The following RDH8 variants were observed in gnomAD, a reference collection of about 807,000 sequenced individuals.
RDH8 encodes the protein photoreceptor outer segment all-trans retinol dehydrogenase.
Under a neutral mutation model 22.3 loss-of-function variants are expected in RDH8, and 14 were observed. The observed-to-expected ratio is 0.63, with a 90% CI of 0.42 to 0.98. The LOEUF (loss-of-function observed/expected upper bound fraction) is 0.98. Among genes scored for constraint, RDH8 ranks in the 50% least tolerant of loss-of-function variants. RDH8 has a pLI of 0.00. For missense variants in RDH8, 389 were observed against 409.8 expected, an observed-to-expected ratio of 0.95 and a Z score of 0.44; for synonymous variants, 175 against 171.7, an observed-to-expected ratio of 1.02 and a Z score of -0.15.
At chr19:10,015,225 A>G (rs963531012) in intron 1 of RDH8, among the ~76,000 whole-genome samples, 6 of 151,778 alleles carry the variant, frequency 4.0e-5, no homozygotes, top group African/African-American at 1.5e-4. Flanking sequence ...GCCTAGGTGG[A>G]CAGATCACCT....
At position 10,018,823 on chromosome 19, in the gene RDH8, G is replaced by T. The variant is rs375820493; in HGVS notation, c.355G>T (p.Val119Phe). Reference protein sequence around the residue: ...NVFDTNFFGAVRLVKAVLPGM... With the variant: ...NVFDTNFFGAFRLVKAVLPGM... ...CTTTGACACCAACTTTTTCGGAGCT[G>T]TCCGTCTCGTCAAAGCTGTGCTTCC... The change falls in exon 3 of 6, where the codon GTC becomes TTC. Residue 119 changes from valine (V) to phenylalanine (F), a missense_variant. Val to Phe is a conservative substitution (Grantham distance 50). Coordinates refer to ENST00000591589, the MANE Select transcript of RDH8 (RefSeq NM_015725.4). The T allele has an allele frequency of 6.2e-7, 1 of 1,613,880 alleles. No homozygotes were observed. Among genetic ancestry groups the T allele is most frequent in the African/African-American group, 1.3e-5 (1 of 74,932 alleles).
At chr19:10,019,732 C>A (rs2087643745) in intron 3 of RDH8, among the ~76,000 whole-genome samples, 1 of 151,798 alleles carries the variant, frequency 6.6e-6, no homozygotes, top group African/African-American at 2.4e-5. Context: ...GCCCAGGAGG[C>A]AGAGGTTGCA....
chr19:10,017,660 T>C (rs7253711), intron 2 of RDH8, among the ~76,000 whole-genome samples: 2,273 of 152,152 alleles, frequency 0.015, 59 homozygotes, highest in African/African-American at 0.052. Flanking sequence ...AAATAATTTT[T>C]TTTTTGAGAC....
At chr19:10,016,710 A>G (rs1288611104) in intron 1 of RDH8, among the ~76,000 whole-genome samples, 1 of 148,318 alleles carries the variant, frequency 6.7e-6, no homozygotes, top group African/African-American at 2.5e-5. Flanking sequence ...GGGGTCAAGC[A>G]ATCCTCCCAC....
At chr19:10,019,815 A>G (rs1184784442) in intron 3 of RDH8, among the ~76,000 whole-genome samples, 2 of 136,102 alleles carry the variant, frequency 1.5e-5, no homozygotes, top group Non-Finnish European at 1.5e-5. Context: ...AAAATAAATA[A>G]ATAAGTAAAC....
intron 1 of RDH8, among the ~76,000 whole-genome samples, chr19:10,015,783 A>G (rs1421960587): frequency 1.3e-5 from 2 of 151,820 alleles, no homozygotes; most frequent in Non-Finnish European, 2.9e-5. Context: ...TCTCTACTAA[A>G]AATACAAAAG....
At chr19:10,020,134 A>T (rs76692195) in intron 3 of RDH8, among the ~76,000 whole-genome samples, 1 of 151,882 alleles carries the variant, frequency 6.6e-6, no homozygotes, top group Non-Finnish European at 1.5e-5. Context: ...CCAAAAAAAA[A>T]TTAAATTAAA....
intron 3 of RDH8, 101 bp downstream of exon 3, chr19:10,019,011 T>C: frequency 2.0e-6 from 2 of 1,023,502 alleles, no homozygotes; most frequent in Non-Finnish European, 2.8e-6. Context: ...TAAATTAGCA[T>C]GGACCCTGGG....
intron 1 of RDH8, 145 bp downstream of exon 1, chr19:10,013,745 A>C (rs2087587920): frequency 1.2e-6 from 1 of 817,592 alleles, no homozygotes; most frequent in Admixed American, 2.5e-5. Context: ...CATCCTAGAA[A>C]TATTTCTTGA....
Position 10,017,177 on chromosome 19 carries a change from A to G in RDH8, c.224A>G (p.Gln75Arg). 2.5e-6 allele frequency: 4 copies of G among 1,608,164 alleles called. No individual in the cohort carries two copies. Among genetic ancestry groups the G allele is most frequent in the Non-Finnish European group, 3.4e-6 (4 of 1,176,206 alleles). ...GTGTGCAGTGATGAGTCGGTGGCCC[A>G]GTGTCTCAGCTGTATCCAGGGAGAA... Reference protein sequence around the residue: ...LDVCSDESVAQCLSCIQGEVD... With the variant: ...LDVCSDESVARCLSCIQGEVD... The change falls in exon 2 of 6, where the codon CAG (glutamine) becomes CGG (arginine). Residue 75 changes from glutamine (Q) to arginine (R), a missense_variant. Transcript: ENST00000591589.
At position 10,017,196 on chromosome 19, in the gene RDH8, G is replaced by A. The variant is rs770776263; in HGVS notation, c.243G>A (p.Gln81=). 6.3e-7 allele frequency: 1 copy of A among 1,599,592 alleles called. No individual in the cohort carries two copies. Among genetic ancestry groups the A allele is most frequent in the Non-Finnish European group, 8.5e-7 (1 of 1,171,428 alleles). ...ESVAQCLSCI[Q]GEVDVLVNNA... The stretch of plus-strand genomic sequence containing the variant: ...TGGCCCAGTGTCTCAGCTGTATCCA[G>A]GGAGAAGTGGACGTGCTGGGTGAGA... The change falls in exon 2 of 6, where the codon CAG becomes CAA. Residue 81 remains glutamine, a synonymous_variant. Transcript: ENST00000591589.
In RDH8 at chr19:10,020,790, A is replaced by T. The variant is rs1300138182; in HGVS notation, c.524A>T (p.Gln175Leu). 6.2e-7 allele frequency: 1 copy of T among 1,608,508 alleles called. No individual in the cohort carries two copies. The highest frequency in any genetic ancestry group is 8.5e-7 in the Non-Finnish European group (1 of 1,176,842). Residue 175 changes from glutamine (Q) to leucine (L), a missense_variant, in exon 4 of 6, where the codon CAG becomes CTG. Physicochemically the swap from Gln to Leu is moderately radical, Grantham distance 113 (BLOSUM62 -2). Coordinates refer to ENST00000591589, the MANE Select transcript of RDH8 (RefSeq NM_015725.4). ...FFESLAIQLLQFNIFISLVEP... is the reference protein window; with the variant it reads ...FFESLAIQLLLFNIFISLVEP... ...GAAAGCCTCGCTATCCAGCTGCTGC[A>T]GTTCAACATCTTGTGAGGCGGGCAC...
chr19:10,016,753 T>C (rs1449444803), intron 1 of RDH8, among the ~76,000 whole-genome samples: 16 of 152,084 alleles, frequency 1.1e-4, no homozygotes, highest in Admixed American at 1.0e-3. Flanking sequence ...ATTACAGGCT[T>C]GAGCCACCAC....
chr19:10,013,486 G>A lies in RDH8; in HGVS notation c.-12G>A. ...GCCCGGCGGAGGTCACGAGTCCAGG[G>A]AGGGGATCAACATGGCCGCTGCACC... On this transcript the variant is annotated 5_prime_UTR_variant, in exon 1 of 6. Transcript: ENST00000591589. 2.5e-6 allele frequency: 4 copies of A among 1,611,772 alleles called. No individual in the cohort carries two copies. The highest frequency in any genetic ancestry group is 1.1e-5 in the South Asian group (1 of 91,076).
intron 1 of RDH8, among the ~76,000 whole-genome samples, chr19:10,015,192 C>T (rs994530931): frequency 1.3e-5 from 2 of 152,146 alleles, no homozygotes; most frequent in African/African-American, 4.8e-5. Context: ...TGGCTCATGC[C>T]TGTAATCTCA....
chr19:10,015,729 C>T (rs1247808441), intron 1 of RDH8, among the ~76,000 whole-genome samples: 3 of 151,684 alleles, frequency 2.0e-5, no homozygotes, highest in Admixed American at 1.3e-4. Context: ...GTGGGCAGAT[C>T]ACCTGAGGTT....
rs367964223 is a variant in RDH8, at chr19:10,020,722, C to T, written c.456C>T (p.Asn152=). Residue 152 remains asparagine (N), a synonymous_variant, in exon 4 of 6, where the codon AAC becomes AAT. Transcript: ENST00000591589. The part of the protein sequence containing the change: ...SVMGLQGVIF[N]DVYAASKFAL... The stretch of plus-strand genomic sequence containing the variant: ...TGACCCTCACAGGTGTCATCTTCAA[C>T]GATGTCTATGCAGCTTCCAAGTTCG... 81 of 1,609,504 alleles carry T rather than the reference C, an allele frequency of 5.0e-5. No individual in the cohort carries two copies. Among genetic ancestry groups the T allele is most frequent in the Non-Finnish European group, 6.6e-5 (78 of 1,177,372 alleles).
At chr19:10,021,190 A>AT (rs74178232) in intron 4 of RDH8, 65 bp from the exon 5 acceptor site, 22,173 of 1,419,138 alleles carry the variant, frequency 0.016, 73 homozygotes, top group East Asian at 0.027. Context: ...AAAAAAAAAA[A>AT]TGGACAAAAT....
chr19:10,019,450 A>C (rs1278891882), intron 3 of RDH8, among the ~76,000 whole-genome samples: 1 of 152,134 alleles, frequency 6.6e-6, no homozygotes, highest in Non-Finnish European at 1.5e-5. Flanking sequence ...GTTTGAGCTC[A>C]GGAGTTTGAG....
Sources: allele counts gnomAD v4.1 joint callset (sites outside exome capture counted in the v4.1 genomes callset), GRCh38; gene constraint gnomAD v4.1.1; transcripts MANE v1.5; gene names NCBI Gene and HGNC (gene_info 2026-07-23, HGNC 2026-07-21).